Variants in NCR1 observed in about 807,000 individuals in gnomAD.
NCR1 encodes natural cytotoxicity triggering receptor 1, also known as NK cell-activating receptor.
Under a neutral mutation model 32.5 loss-of-function variants are expected in NCR1, and 30 were observed. The observed-to-expected ratio is 0.92, with a 90% CI of 0.69 to 1.25. The LOEUF is 1.25. NCR1 is among the 50% of genes most tolerant of loss of function. The pLI is 0.00. For synonymous variants in NCR1, 169 were observed against 143.4 expected (o/e 1.18, Z -1.28); for missense variants, 369 against 380.7 (o/e 0.97, Z 0.26).
chr19:54,925,811 C>A, the NCR1 span, among the ~76,000 whole-genome samples: 3 of 151,988 alleles, frequency 2.0e-5, no homozygotes, highest in African/African-American at 7.3e-5. Flanking sequence ...CCAGCCTGGC[C>A]AACATAGTGA....
chr19:54,898,600 G>T, the NCR1 span, among the ~76,000 whole-genome samples: 1 of 152,170 alleles, frequency 6.6e-6, no homozygotes, highest in Admixed American at 6.6e-5. Flanking sequence ...TTTATTTAAT[G>T]TTGGGAGCAG....
downstream of NCR1, chr19:54,913,114 G>A (rs181517163): frequency 1.8e-4 from 63 of 359,214 alleles, 1 homozygote; most frequent in Admixed American, 1.3e-3. Flanking sequence ...GTGCAATGGC[G>A]CGATCTTGGC....
chr19:54,936,311 C>G, the NCR1 span: 10 of 1,614,040 alleles, frequency 6.2e-6, no homozygotes, highest in Non-Finnish European at 8.5e-6. Context: ...CACACAGCAT[C>G]AGCATCATCG....
At chr19:54,923,855 G>A in the NCR1 span, 1 of 1,613,882 alleles carries the variant, frequency 6.2e-7, no homozygotes, top group Admixed American at 1.7e-5. Context: ...TTCCAAATTA[G>A]TTTCATAGGT....
At chr19:54,928,087 G>A in the NCR1 span, among the ~76,000 whole-genome samples, 18 of 151,844 alleles carry the variant, frequency 1.2e-4, no homozygotes, top group Middle Eastern at 3.4e-3. Context: ...ATGCATGGTG[G>A]TGTGTGCCTT....
the NCR1 span, among the ~76,000 whole-genome samples, chr19:54,931,287 G>A: frequency 7.2e-5 from 11 of 151,916 alleles, no homozygotes; most frequent in South Asian, 2.1e-4. Context: ...GGCCGGGCGC[G>A]GTGGCTCAAA....
intron 6 of NCR1, 66 bp downstream of exon 6, chr19:54,912,284 G>A (rs900142604): frequency 5.3e-6 from 8 of 1,503,632 alleles, no homozygotes; most frequent in African/African-American, 1.4e-5. Flanking sequence ...ACCTAGGAAG[G>A]GAATCTAAAT....
the NCR1 span, among the ~76,000 whole-genome samples, chr19:54,898,856 G>A: frequency 7.2e-5 from 11 of 152,214 alleles, no homozygotes; most frequent in South Asian, 1.7e-3. Context: ...GTTGGGGGAG[G>A]GCTAGTCATG....
the NCR1 span, chr19:54,927,673 C>G: frequency 6.2e-7 from 1 of 1,614,188 alleles, no homozygotes; most frequent in South Asian, 1.1e-5. Flanking sequence ...CACTCTTCCA[C>G]AAATGATTCT....
intron 4 of NCR1, 99 bp from the exon 5 acceptor site, chr19:54,909,919 A>G: frequency 9.6e-7 from 1 of 1,037,010 alleles, no homozygotes; most frequent in Non-Finnish European, 1.4e-6. Context: ...TGGGCGACAG[A>G]GCAAGACTCC....
chr19:54,918,148 G>A (rs576189013), downstream of NCR1, among the ~76,000 whole-genome samples: 5 of 152,002 alleles, frequency 3.3e-5, no homozygotes, highest in Non-Finnish European at 7.4e-5. Flanking sequence ...TGTTAGCCAG[G>A]ATGGTCTCGA....
chr19:54,912,820 C>T lies in NCR1; in HGVS notation c.864C>T (p.Ser288=). The change falls in exon 7 of 7, where the codon AGC becomes AGT. Residue 288 remains serine, a synonymous_variant. Transcript: ENST00000291890. ...LSRKRTRERA[S]RASTWEGRRR... is the part of the protein sequence containing the mutation. ...GGAAGAGGACTAGAGAGCGAGCCAGCAGAGCTTCCACTTGGGAAGGCAGGA... is the reference window on the plus strand; with the variant it reads ...GGAAGAGGACTAGAGAGCGAGCCAGTAGAGCTTCCACTTGGGAAGGCAGGA... 1 of 1,613,626 alleles carries T rather than the reference C, an allele frequency of 6.2e-7. No homozygotes were observed. Among genetic ancestry groups the T allele is most frequent in the Non-Finnish European group, 8.5e-7 (1 of 1,179,992 alleles).
At chr19:54,934,466 G>A in the NCR1 span, 1 of 1,613,094 alleles carries the variant, frequency 6.2e-7, no homozygotes, top group East Asian at 2.2e-5. This position sits in a 1 kb window ranked among gnomAD's most constrained non-coding sequence, Gnocchi z 6.7. Context: ...AACCAGAGCT[G>A]CCCATGGGAA....
chr19:54,933,128 G>C, the NCR1 span, among the ~76,000 whole-genome samples: 3 of 151,570 alleles, frequency 2.0e-5, no homozygotes, highest in Admixed American at 2.0e-4. Context: ...GTTTCTACCT[G>C]TATCTGCCTG....
the NCR1 span, among the ~76,000 whole-genome samples, chr19:54,931,316 T>C: frequency 6.6e-6 from 1 of 151,752 alleles, no homozygotes; most frequent in Admixed American, 6.6e-5. Flanking sequence ...CTCAGCACTT[T>C]GGGAGACCAA....
the NCR1 span, chr19:54,923,795 A>G: frequency 5.0e-6 from 8 of 1,613,990 alleles, no homozygotes; most frequent in South Asian, 1.1e-5. Flanking sequence ...ATTGCAATCA[A>G]TAGTCAGCTT....
At chr19:54,912,460 G>A (rs3826881) in intron 6 of NCR1, among the ~76,000 whole-genome samples, 18,201 of 151,396 alleles carry the variant, frequency 0.12, 1,902 homozygotes, top group East Asian at 0.52. Flanking sequence ...TTAGCCAGGC[G>A]TGGTGGCGTG....
chr19:54,906,406 T>C, intron 2 of NCR1, 72 bp downstream of exon 2: 1 of 1,605,352 alleles, frequency 6.2e-7, no homozygotes, highest in Non-Finnish European at 8.5e-7. Context: ...CAAGCACGGC[T>C]GGGGTGAGGG....
chr19:54,924,034 C>T, the NCR1 span, among the ~76,000 whole-genome samples: 1 of 152,164 alleles, frequency 6.6e-6, no homozygotes, highest in East Asian at 1.9e-4. Context: ...GTGGTGCCAT[C>T]TTGGCTCTCT....
Sources: gnomAD v4.1 joint callset for allele counts (sites outside exome capture counted in the v4.1 genomes callset) on GRCh38, gnomAD v4.1.1 for gene constraint, Gnocchi (gnomAD v3.1) non-coding constraint, MANE v1.5 for transcripts, NCBI Gene and HGNC (gene_info 2026-07-23, HGNC 2026-07-21) for gene names.